The following KSR2 variants were observed in gnomAD, a reference collection of about 807,000 sequenced individuals.
The protein encoded by KSR2 is kinase suppressor of ras 2.
Under a neutral mutation model 107.8 loss-of-function variants are expected in KSR2, and 25 were observed. That is an observed-to-expected ratio of 0.23 (90% CI 0.17 to 0.32). KSR2 has a LOEUF of 0.32. Among genes scored for constraint, KSR2 ranks in the 10% least tolerant of loss-of-function variants. The probability of loss-of-function intolerance (pLI) is 1.00; values close to 1 mark genes in which losing one functional copy is unlikely to be tolerated. For missense variants in KSR2, 887 were observed against 1,268.9 expected (o/e 0.70, Z 4.57); for synonymous variants, 480 against 507.0 (o/e 0.95, Z 0.71).
rs1328743901 is a variant in KSR2 at position 117,897,100 on chromosome 12, C to T, written c.181-36669G>A. 6.6e-6 allele frequency among the ~76,000 whole-genome samples: 1 copy of T among 152,110 alleles called. No individual in the cohort carries two copies. Among genetic ancestry groups the T allele is most frequent in the Admixed American group, 6.5e-5 (1 of 15,276 alleles). On this transcript the variant is annotated intron_variant, in intron 1 of 19. Coordinates refer to ENST00000339824, the MANE Select transcript of KSR2 (RefSeq NM_173598.6). This position sits in a 1 kb window ranked among gnomAD's most constrained non-coding sequence, Gnocchi z 4.5. Reference sequence around the variant, plus strand: ...CCTGTTCCTCTTCGCCCAAGTCTACCGGGACTGATGTTCAGCTTGAGGGAG... The same window carrying T: ...CCTGTTCCTCTTCGCCCAAGTCTACTGGGACTGATGTTCAGCTTGAGGGAG...
chr12:117,685,846 C>G (rs990263906), intron 4 of KSR2, among the ~76,000 whole-genome samples: 3 of 152,194 alleles, frequency 2.0e-5, no homozygotes, highest in African/African-American at 7.2e-5. Context: ...GAATTCCTGA[C>G]CTAGCTCTGT....
At chr12:117,613,610 T>C (rs1198903933) in intron 5 of KSR2, among the ~76,000 whole-genome samples, 2 of 152,220 alleles carry the variant, frequency 1.3e-5, no homozygotes, top group African/African-American at 4.8e-5. Flanking sequence ...GGAGAGTTAA[T>C]GCCCTGTGGG....
At chr12:117,950,749 A>AATAAATAATAATAATAAT (rs1555260903) in intron 1 of KSR2, among the ~76,000 whole-genome samples, 6 of 132,166 alleles carry the variant, frequency 4.5e-5, no homozygotes, top group Non-Finnish European at 9.3e-5. Flanking sequence ...AAAAAAAAAA[A>AATAAATAATAATAATAAT]AATAATAATA....
chr12:117,455,070 G>GAC lies in KSR2; in HGVS notation c.*12128_*12129insGT, dbSNP rs1555268133. 9 of 149,328 alleles carry GAC rather than the reference G, an allele frequency of 6.0e-5. No individual in the cohort carries two copies. The highest frequency in any genetic ancestry group is 2.0e-4 in the African/African-American group (8 of 40,384). 9.3% of individuals were successfully genotyped at this position (149,328 alleles called of 1,614,324 possible). A position where few individuals can be genotyped will look rare whatever the true frequency, so the allele number is the denominator to read the frequency against. The stretch of plus-strand genomic sequence containing the variant: ...AGAGAGAGAGAGAGAGAGAGAGAGA[G>GAC]AGGTCTGTAGAGCCAGAGAGGGATG... On this transcript the variant is annotated 3_prime_UTR_variant, in exon 20 of 20. Transcript: ENST00000339824.
intron 14 of KSR2, among the ~76,000 whole-genome samples, chr12:117,493,449 C>T (rs1337454211): frequency 6.6e-6 from 1 of 152,162 alleles, no homozygotes; most frequent in African/African-American, 2.4e-5. Flanking sequence ...TCACGGAGTT[C>T]CAATCACACC....
chr12:117,542,016 C>T (rs1393075), intron 9 of KSR2, among the ~76,000 whole-genome samples: 1 of 151,890 alleles, frequency 6.6e-6, no homozygotes, highest in Non-Finnish European at 1.5e-5. Context: ...ATCCTGAGTA[C>T]CTGGGACCAC....
In KSR2 at chr12:117,461,958, G is replaced by A; in HGVS notation, c.*5241C>T. 6.6e-6 allele frequency: 1 copy of A among 152,154 alleles called. No individual in the cohort carries two copies. The highest frequency in any genetic ancestry group is 2.1e-4 in the South Asian group (1 of 4,816). The allele number at this position is 152,154 out of a possible 1,614,324, so 9.4% of individuals were successfully genotyped here. A position where few individuals can be genotyped will look rare whatever the true frequency, so the allele number is the denominator to read the frequency against. On this transcript the variant is annotated 3_prime_UTR_variant, in exon 20 of 20. Coordinates refer to ENST00000339824, the MANE Select transcript of KSR2 (RefSeq NM_173598.6). ...CAACTGCTTTGGATAGGGTCATGAGGCACATTCAGGGGTCAAGTGACAGTC... is the reference window on the plus strand; with the variant it reads ...CAACTGCTTTGGATAGGGTCATGAGACACATTCAGGGGTCAAGTGACAGTC...
At chr12:117,829,995 C>T (rs1302929517) in intron 3 of KSR2, among the ~76,000 whole-genome samples, 1 of 152,144 alleles carries the variant, frequency 6.6e-6, no homozygotes, top group Non-Finnish European at 1.5e-5. Context: ...AAGTAGAGTG[C>T]AGTGGCTCAC....
chr12:117,469,317 G>A (rs2137110936), intron 19 of KSR2, among the ~76,000 whole-genome samples: 1 of 152,240 alleles, frequency 6.6e-6, no homozygotes, highest in Admixed American at 6.5e-5. Context: ...CCTCGTGGAG[G>A]GGTACTCTGA....
intron 5 of KSR2, among the ~76,000 whole-genome samples, chr12:117,644,578 C>T (rs1326392808): frequency 6.6e-6 from 1 of 152,134 alleles, no homozygotes; most frequent in East Asian, 1.9e-4. Flanking sequence ...TTTTAAAATG[C>T]ATCCCAGGTG....
intron 4 of KSR2, among the ~76,000 whole-genome samples, chr12:117,670,047 T>C (rs1163217611): frequency 2.6e-5 from 4 of 152,196 alleles, no homozygotes; most frequent in Non-Finnish European, 5.9e-5. Flanking sequence ...GGCGAAATTA[T>C]TCCATTTCCA....
rs570947456 is a variant in KSR2, at chr12:117,813,318, C to A, written c.472+42110G>T. Among the ~76,000 whole-genome samples the A allele has an allele frequency of 3.9e-5, 6 of 152,150 alleles. No individual in the cohort carries two copies. In the South Asian group the frequency reaches 1.0e-3, roughly 26 times the overall value. ...ATCAAACTAAAAAGCATCTACACAG[C>A]AAAAGAATCAATCAACAAATTAAAG... is the stretch of plus-strand genomic sequence containing the variant. On this transcript the variant is annotated intron_variant, in intron 3 of 19. Transcript: ENST00000339824.
chr12:117,950,005 A>C (rs1219361620), intron 1 of KSR2, among the ~76,000 whole-genome samples: 1 of 150,392 alleles, frequency 6.6e-6, no homozygotes, highest in East Asian at 2.0e-4. Context: ...ATAGAGTCTC[A>C]CTCTGTCTCC....
intron 4 of KSR2, among the ~76,000 whole-genome samples, chr12:117,690,412 A>G (rs1885764341): frequency 6.6e-6 from 1 of 152,092 alleles, no homozygotes. Context: ...AAAAATACAA[A>G]AAATTAGCCA....
chr12:117,887,922 GCCT>G (rs1302968044), intron 1 of KSR2, among the ~76,000 whole-genome samples: 1 of 152,216 alleles, frequency 6.6e-6, no homozygotes, highest in African/African-American at 2.4e-5. Context: ...AACGTCACTG[GCCT>G]AGACCAGTCA....
intron 5 of KSR2, among the ~76,000 whole-genome samples, chr12:117,585,240 C>G (rs1376447653): frequency 1.3e-5 from 2 of 152,060 alleles, no homozygotes; most frequent in Admixed American, 1.3e-4. Flanking sequence ...CTAGCCAACT[C>G]CCTCCCTTAT....
At chr12:117,832,394 C>T (rs541270326) in intron 3 of KSR2, among the ~76,000 whole-genome samples, 2 of 152,336 alleles carry the variant, frequency 1.3e-5, no homozygotes, top group South Asian at 2.1e-4. Flanking sequence ...ATTCCCCCCT[C>T]TTCTTTGCTA....
intron 3 of KSR2, among the ~76,000 whole-genome samples, chr12:117,832,947 C>A (rs1892036177): frequency 6.6e-6 from 1 of 152,208 alleles, no homozygotes; most frequent in Non-Finnish European, 1.5e-5. Context: ...AGTGGCATGA[C>A]CCTGGCCAAG....
rs537681843 is a variant in KSR2, at chr12:117,570,034, G to A, written c.1325+9085C>T. On this transcript the variant is annotated intron_variant, in intron 7 of 19. Coordinates refer to ENST00000339824, the MANE Select transcript of KSR2 (RefSeq NM_173598.6). ...TTTTTTTTTTTTGAGACAGGGTCTC[G>A]CTCTGTTGCCCAGGCTGGAGTGCAG... 6.2e-4 allele frequency among the ~76,000 whole-genome samples: 92 copies of A among 149,438 alleles called. 2 individuals carry two copies. In the East Asian group the frequency reaches 0.015, roughly 24 times the overall value.
Sources: allele counts gnomAD v4.1 joint callset (sites outside exome capture counted in the v4.1 genomes callset), GRCh38; gene constraint gnomAD v4.1.1; non-coding constraint Gnocchi (gnomAD v3.1); transcripts MANE v1.5; gene names NCBI Gene and HGNC (gene_info 2026-07-23, HGNC 2026-07-21).